Variants in LARP4 observed in about 807,000 individuals in gnomAD.
The protein encoded by LARP4 is la-related protein 4.
A neutral mutation model predicts 92.9 loss-of-function variants in LARP4; 29 were observed. That is an observed-to-expected ratio of 0.31 (90% CI 0.23 to 0.43). LARP4 has a LOEUF of 0.43. LARP4 is among the 20% of genes least tolerant of loss of function. The probability of loss-of-function intolerance (pLI) is 1.00; values close to 1 mark genes in which losing one functional copy is unlikely to be tolerated. For missense variants in LARP4, 732 were observed against 860.0 expected (o/e 0.85, Z 1.86); for synonymous variants, 279 against 284.1 (o/e 0.98, Z 0.18).
intron 5 of LARP4, 136 bp downstream of exon 5, chr12:50,435,760 CTCTT>C (rs1030825950): frequency 1.4e-4 from 88 of 647,612 alleles, no homozygotes; most frequent in Middle Eastern, 8.2e-4. Flanking sequence ...CGAATTCTCT[CTCTT>C]TGTTTTTTTT....
At chr12:50,413,245 T>C (rs1407017213) in intron 1 of LARP4, among the ~76,000 whole-genome samples, 1 of 151,276 alleles carries the variant, frequency 6.6e-6, no homozygotes, top group African/African-American at 2.4e-5. Flanking sequence ...AAATTGGCTG[T>C]CTAGAGTCTA....
chr12:50,415,317 T>G (rs1280505140), intron 1 of LARP4, among the ~76,000 whole-genome samples: 1 of 152,182 alleles, frequency 6.6e-6, no homozygotes, highest in East Asian at 1.9e-4. Flanking sequence ...TGTAATGTCT[T>G]TAGATCTTAC....
chr12:50,440,649 A>C (rs1951065477), intron 7 of LARP4, 100 bp downstream of exon 7: 1 of 762,262 alleles, frequency 1.3e-6, no homozygotes, highest in Admixed American at 2.2e-5. Flanking sequence ...GATGTTTATC[A>C]AGACTAGTGA....
intron 1 of LARP4, among the ~76,000 whole-genome samples, chr12:50,424,999 T>C (rs1948489131): frequency 6.6e-6 from 1 of 151,866 alleles, no homozygotes; most frequent in African/African-American, 2.4e-5. Context: ...ACACAAAAAT[T>C]TGCCCAACGT....
chr12:50,433,277 T>C (rs1008657766), intron 4 of LARP4, among the ~76,000 whole-genome samples: 2 of 151,220 alleles, frequency 1.3e-5, no homozygotes, highest in African/African-American at 2.4e-5. Flanking sequence ...TGATTTTTTT[T>C]TTTTTTTTTT....
chr12:50,449,243 A>G (rs1038657405), intron 8 of LARP4, among the ~76,000 whole-genome samples: 42 of 152,294 alleles, frequency 2.8e-4, no homozygotes, highest in African/African-American at 9.4e-4. Flanking sequence ...GACTGTGTCC[A>G]AAAAGAAAGT....
intron 13 of LARP4, among the ~76,000 whole-genome samples, chr12:50,472,884 A>G (rs529795969): frequency 4.0e-5 from 6 of 151,452 alleles, no homozygotes; most frequent in African/African-American, 1.2e-4. Flanking sequence ...CAGTGGTGCA[A>G]TCTTGGCTCA....
chr12:50,445,803 C>T (rs1301334446), intron 8 of LARP4, among the ~76,000 whole-genome samples: 3 of 152,072 alleles, frequency 2.0e-5, no homozygotes, highest in Non-Finnish European at 4.4e-5. Flanking sequence ...GTGATTTCCC[C>T]TTAATTTCAA....
In LARP4 at chr12:50,404,345, G is replaced by A. The variant is rs187919966; in HGVS notation, c.18+3317G>A. 3.9e-5 allele frequency among the ~76,000 whole-genome samples: 6 copies of A among 152,286 alleles called. No homozygotes were observed. The East Asian group carries it at 7.7e-4, about 20-fold the overall frequency. On this transcript the variant is annotated intron_variant, in intron 1 of 15. Coordinates refer to ENST00000398473, the MANE Select transcript of LARP4 (RefSeq NM_052879.5). ...TACTTGTATTGGAGTAGAATATATT[G>A]CAGACAAGGAATCAATCCTATGTAA...
At chr12:50,433,627 T>C (rs781234100) in intron 4 of LARP4, among the ~76,000 whole-genome samples, 2 of 151,438 alleles carry the variant, frequency 1.3e-5, no homozygotes, top group East Asian at 4.0e-4. Context: ...ATTTTCAGAT[T>C]CTTAAGGAAT....
chr12:50,448,153 C>T (rs1952534527), intron 8 of LARP4, among the ~76,000 whole-genome samples: 1 of 152,182 alleles, frequency 6.6e-6, no homozygotes, highest in South Asian at 2.1e-4. Context: ...GAGTGAGCCA[C>T]CAGGTCTGGC....
chr12:50,440,833 A>C (rs986211577), intron 7 of LARP4, among the ~76,000 whole-genome samples: 1 of 152,160 alleles, frequency 6.6e-6, no homozygotes, highest in Non-Finnish European at 1.5e-5. Context: ...TTTTTAGTAC[A>C]TAATAGGTCT....
rs769196289 is a variant in LARP4, at chr12:50,477,618, T to G, written c.*1754T>G. ...AAGAGCTTTGAAAACACTGCACATA[T>G]CTGTACAAGCCAGAATTACTATTTC... On this transcript the variant is annotated 3_prime_UTR_variant, in exon 16 of 16. Coordinates refer to ENST00000398473, the MANE Select transcript of LARP4 (RefSeq NM_052879.5). The G allele has an allele frequency of 6.6e-6, 1 of 152,560 alleles. No homozygotes were observed. Among genetic ancestry groups the G allele is most frequent in the Non-Finnish European group, 1.5e-5 (1 of 67,954 alleles). The allele number at this position is 152,560 out of a possible 1,614,324, so 9.5% of individuals were successfully genotyped here. A position where few individuals can be genotyped will look rare whatever the true frequency, so the allele number is the denominator to read the frequency against.
chr12:50,439,828 G>A (rs1312466124), intron 6 of LARP4, among the ~76,000 whole-genome samples: 1 of 151,512 alleles, frequency 6.6e-6, no homozygotes. Flanking sequence ...ACCATTTTGA[G>A]TTTTGGTAGT....
intron 4 of LARP4, 41 bp downstream of exon 4, chr12:50,430,611 T>C (rs771846519): frequency 8.2e-7 from 1 of 1,215,604 alleles, no homozygotes; most frequent in Non-Finnish European, 1.2e-6. Flanking sequence ...TTAGTAGATG[T>C]AAAATACGTG....
At chr12:50,402,416 C>T (rs892934028) in intron 1 of LARP4, among the ~76,000 whole-genome samples, 2 of 151,988 alleles carry the variant, frequency 1.3e-5, no homozygotes, top group African/African-American at 4.8e-5. Context: ...AATAAGAAAT[C>T]AGATAAGATT....
chr12:50,453,329 C>G, intron 8 of LARP4, 131 bp from the exon 9 acceptor site: 2 of 527,834 alleles, frequency 3.8e-6, no homozygotes, highest in South Asian at 3.4e-5. Context: ...ATTTTCTTTT[C>G]TTTTGCTCTA....
intron 1 of LARP4, chr12:50,416,504 TAAAAACAAAAAC>T (rs533153813): frequency 3.3e-5 from 5 of 151,962 alleles, no homozygotes; most frequent in African/African-American, 2.4e-5. Flanking sequence ...CGTCTGTACT[TAAAAACAAAAAC>T]AAAAACAAAA....
At position 50,454,218 on chromosome 12, in the gene LARP4, A is replaced by T. The variant is rs1953805528; in HGVS notation, c.1018-96A>T. ...ATATTTTAAGATATTTTTGGCTTGT[A>T]AAAGATAAATTCATAAGCTCATTAA... On this transcript the variant is annotated intron_variant, in intron 9 of 15. Coordinates refer to ENST00000398473, the MANE Select transcript of LARP4 (RefSeq NM_052879.5). The T allele has an allele frequency of 4.8e-6, 4 of 841,562 alleles. No individual in the cohort carries two copies. In the Admixed American group the frequency reaches 1.2e-4, roughly 25 times the overall value. The allele number at this position is 841,562 out of a possible 1,614,324, so 52.1% of individuals were successfully genotyped here.
Sources: gnomAD v4.1 joint callset for allele counts (sites outside exome capture counted in the v4.1 genomes callset) on GRCh38, gnomAD v4.1.1 for gene constraint, MANE v1.5 for transcripts, NCBI Gene and HGNC (gene_info 2026-07-23, HGNC 2026-07-21) for gene names.